ATAD1: variants seen among roughly 807,000 people sequenced by gnomAD.
ATAD1 encodes ATPase family AAA domain containing 1, also known as outer mitochondrial transmembrane helix translocase.
A neutral mutation model predicts 42.7 loss-of-function variants in ATAD1; 18 were observed. The ratio of observed to expected loss-of-function variants is 0.42; its 90% CI spans 0.29 to 0.63. The LOEUF is 0.63. Ranked by LOEUF, ATAD1 falls within the 20% of genes least tolerant of loss-of-function variation. The pLI, the probability that ATAD1 is intolerant of heterozygous loss-of-function variation, is 0.19. For synonymous variants in ATAD1, 132 were observed against 143.1 expected (o/e 0.92, Z 0.55); for missense variants, 294 against 440.4 (o/e 0.67, Z 2.98).
chr10:87,755,880 C>A (rs1854198707), intron 9 of ATAD1, among the ~76,000 whole-genome samples: 1 of 152,016 alleles, frequency 6.6e-6, no homozygotes, highest in Admixed American at 6.6e-5. Flanking sequence ...CCAGCCTGGG[C>A]AAAAGAGCGA....
chr10:87,776,071 T>C (rs1273332644), intron 6 of ATAD1, among the ~76,000 whole-genome samples: 1 of 152,230 alleles, frequency 6.6e-6, no homozygotes, highest in African/African-American at 2.4e-5. Context: ...CAGGCTTTAC[T>C]CTGGTGTTTT....
intron 6 of ATAD1, among the ~76,000 whole-genome samples, chr10:87,772,432 A>G (rs926299424): frequency 6.6e-6 from 1 of 151,850 alleles, no homozygotes; most frequent in African/African-American, 2.4e-5. Flanking sequence ...ACTTTTTACA[A>G]CTCAATAAAA....
intron 2 of ATAD1, 85 bp downstream of exon 2, chr10:87,814,353 T>C: frequency 1.5e-6 from 2 of 1,308,092 alleles, no homozygotes; most frequent in Non-Finnish European, 2.1e-6. Context: ...TTCTCATTAA[T>C]TTGTGAACTC....
At chr10:87,774,235 CA>C (rs1161014301) in intron 6 of ATAD1, among the ~76,000 whole-genome samples, 5 of 152,158 alleles carry the variant, frequency 3.3e-5, no homozygotes, top group African/African-American at 1.2e-4. Context: ...TACAATTTTG[CA>C]AAGAAGTAAA....
chr10:87,801,644 A>G (rs7085412), intron 2 of ATAD1, among the ~76,000 whole-genome samples: 61,925 of 151,980 alleles, frequency 0.41, 13,542 homozygotes, highest in African/African-American at 0.57. Context: ...TGCCACAGAG[A>G]TAATAAATTC....
intron 1 of ATAD1, among the ~76,000 whole-genome samples, chr10:87,824,149 A>G (rs894372229): frequency 2.0e-5 from 3 of 152,254 alleles, no homozygotes; most frequent in East Asian, 1.9e-4. Context: ...AGGCTTAACA[A>G]GATTTAACCT....
At chr10:87,780,052 C>G (rs1277491253) in intron 5 of ATAD1, among the ~76,000 whole-genome samples, 1 of 152,124 alleles carries the variant, frequency 6.6e-6, no homozygotes, top group Non-Finnish European at 1.5e-5. Flanking sequence ...CTCCTAATTG[C>G]CCAAAACAAG....
chr10:87,791,030 CAAAAAAAAA>C (rs34722647), intron 3 of ATAD1, among the ~76,000 whole-genome samples: 14 of 66,250 alleles, frequency 2.1e-4, no homozygotes, highest in South Asian at 5.6e-4. Context: ...ACTAAAATTA[CAAAAAAAAA>C]AAAAAAAAAA....
At chr10:87,786,246 G>C (rs1855827906) in intron 4 of ATAD1, among the ~76,000 whole-genome samples, 1 of 152,024 alleles carries the variant, frequency 6.6e-6, no homozygotes, top group African/African-American at 2.4e-5. Flanking sequence ...TGTTACACTT[G>C]GTACTTTCTT....
At chr10:87,758,137 C>A (rs537914249) in intron 8 of ATAD1, among the ~76,000 whole-genome samples, 5 of 152,148 alleles carry the variant, frequency 3.3e-5, no homozygotes, top group African/African-American at 1.2e-4. Context: ...AGCTAAAATG[C>A]TGTACAATAA....
intron 1 of ATAD1, among the ~76,000 whole-genome samples, chr10:87,828,240 C>T (rs933311146): frequency 1.3e-5 from 2 of 152,036 alleles, no homozygotes; most frequent in South Asian, 4.1e-4. Flanking sequence ...TGGAATTACA[C>T]GCATCAGCAA....
chr10:87,754,616 G>T lies in ATAD1; in HGVS notation c.*71C>A. 1 of 1,496,210 alleles carries T rather than the reference G, an allele frequency of 6.7e-7. No homozygotes were observed. Among genetic ancestry groups the T allele is most frequent in the Non-Finnish European group, 9.0e-7 (1 of 1,106,690 alleles). 92.7% of individuals were successfully genotyped at this position (1,496,210 alleles called of 1,614,324 possible). A position where few individuals can be genotyped will look rare whatever the true frequency, so the allele number is the denominator to read the frequency against. ...TCATTGTTTAAAGAGCACTCTTTCC[G>T]TTCTATTTCCACTAACTGATAAGAG... On this transcript the variant is annotated 3_prime_UTR_variant, in exon 10 of 10. Transcript: ENST00000680024.
Position 87,776,330 on chromosome 10 carries a change from G to A in ATAD1, c.681C>T (p.His227=), listed in dbSNP as rs1187819101. ...MSLWDGLDTD[H]SCQVIVMGAT... ...GATTTTATTCAAATACCTGGCAGCT[G>A]TGATCAGTATCCAATCCATCCCAGA... The change falls in exon 6 of 10, where the codon CAC becomes CAT. Residue 227 remains histidine (H), a synonymous_variant. Coordinates refer to ENST00000680024, the MANE Select transcript of ATAD1 (RefSeq NM_001321967.2). 6 of 1,611,608 alleles carry A rather than the reference G, an allele frequency of 3.7e-6. No homozygotes were observed. The highest frequency in any genetic ancestry group is 5.1e-6 in the Non-Finnish European group (6 of 1,178,492).
chr10:87,811,373 A>T (rs1414832273), intron 2 of ATAD1, among the ~76,000 whole-genome samples: 3 of 152,152 alleles, frequency 2.0e-5, no homozygotes, highest in African/African-American at 4.8e-5. Flanking sequence ...CAAGATTTTT[A>T]AAAAATTATC....
chr10:87,814,397 T>G lies in ATAD1; in HGVS notation c.162+41A>C, dbSNP rs942084418. On this transcript the variant is annotated intron_variant, in intron 2 of 9. Transcript: ENST00000680024. ...TTTTAGTTTGAGGGGAAAATACTTG[T>G]TAGCCACAAGAAAAATGATCTTCAA... 2.0e-6 allele frequency: 3 copies of G among 1,520,430 alleles called. No individual in the cohort carries two copies. The African/African-American group carries it at 4.2e-5, about 21-fold the overall frequency. The allele number at this position is 1,520,430 out of a possible 1,614,324, so 94.2% of individuals were successfully genotyped here. A position where few individuals can be genotyped will look rare whatever the true frequency, so the allele number is the denominator to read the frequency against.
At chr10:87,786,711 C>T (rs564135249) in intron 4 of ATAD1, among the ~76,000 whole-genome samples, 1 of 152,190 alleles carries the variant, frequency 6.6e-6, no homozygotes, top group South Asian at 2.1e-4. Flanking sequence ...AATCCCAGCA[C>T]TTTGGGAGGG....
At chr10:87,778,192 A>C (rs1003676053) in intron 5 of ATAD1, among the ~76,000 whole-genome samples, 2 of 150,384 alleles carry the variant, frequency 1.3e-5, no homozygotes, top group Admixed American at 6.6e-5. Flanking sequence ...AAAAAAAAAA[A>C]AAAAAAAACT....
At chr10:87,809,793 C>T (rs546884875) in intron 2 of ATAD1, among the ~76,000 whole-genome samples, 2 of 152,002 alleles carry the variant, frequency 1.3e-5, no homozygotes, top group South Asian at 2.1e-4. Context: ...ACTACAGGAA[C>T]ATGCCACCAC....
At chr10:87,769,615 T>C (rs1383054593) in intron 7 of ATAD1, among the ~76,000 whole-genome samples, 1 of 152,194 alleles carries the variant, frequency 6.6e-6, no homozygotes, top group Non-Finnish European at 1.5e-5. Context: ...ATCCACCAGA[T>C]CCTAGCAGGT....
Sources: gnomAD v4.1 joint callset for allele counts (sites outside exome capture counted in the v4.1 genomes callset) on GRCh38, gnomAD v4.1.1 for gene constraint, MANE v1.5 for transcripts, NCBI Gene and HGNC (gene_info 2026-07-23, HGNC 2026-07-21) for gene names.